Variants in TENM1 observed in about 807,000 individuals in gnomAD.
TENM1 encodes the protein teneurin transmembrane protein 1.
In TENM1, 35 loss-of-function variants were observed where a neutral mutation model predicts 174.8. That is an observed-to-expected ratio of 0.20 (90% CI 0.15 to 0.27). The LOEUF is 0.27. Among genes scored for constraint, TENM1 ranks in the 10% least tolerant of loss-of-function variants. TENM1 has a pLI of 1.00. For synonymous variants in TENM1, 781 were observed against 798.7 expected (o/e 0.98, Z 0.37); for missense variants, 1,633 against 2,130.1 (o/e 0.77, Z 4.59).
intron 1 of TENM1, among the ~76,000 whole-genome samples, chrX:124,937,696 T>C (rs1384455522): frequency 8.9e-6 from 1 of 112,209 alleles, no homozygotes; most frequent in Non-Finnish European, 1.9e-5. Context: ...CTTAGCACCA[T>C]ACAAACGATG....
intron 25 of TENM1, among the ~76,000 whole-genome samples, chrX:124,413,627 T>C (rs939684997): frequency 9.8e-5 from 11 of 112,272 alleles, no homozygotes; most frequent in Non-Finnish European, 2.1e-4. Flanking sequence ...CGACGATAAT[T>C]CTGTTTTACT....
chrX:125,006,062 C>A, the TENM1 span, among the ~76,000 whole-genome samples: 1 of 111,768 alleles, frequency 8.9e-6, no homozygotes, highest in South Asian at 3.8e-4. Flanking sequence ...GGGAGCCAAG[C>A]GGTCTTGCTC....
rs1169774692 is a variant in TENM1 at position 124,471,292 on chromosome X, TATATATTATA to T, written c.3949+10430_3949+10439del. Among the ~76,000 whole-genome samples the T allele has an allele frequency of 1.8e-3, 76 of 41,094 alleles. 6 individuals carry two copies. Among genetic ancestry groups the T allele is most frequent in the African/African-American group, 8.0e-3 (74 of 9,236 alleles). 35.7% of individuals were successfully genotyped at this position (41,094 alleles called of 115,157 possible). ...TAGTACTATATATAATATATAGTAC[TATATATTATA>T]ATATATAGTACTATATATTATAATA... is the stretch of plus-strand genomic sequence containing the variant. On this transcript the variant is annotated intron_variant, in intron 22 of 31. Coordinates refer to ENST00000422452, the Ensembl canonical transcript of TENM1.
At chrX:124,411,040 G>T (rs952768012) in intron 25 of TENM1, among the ~76,000 whole-genome samples, 1 of 112,133 alleles carries the variant, frequency 8.9e-6, no homozygotes, top group East Asian at 2.8e-4. Flanking sequence ...AGGGGTACAA[G>T]GGTCAAAATT....
chrX:124,496,727 T>G (rs1431098650), intron 20 of TENM1, among the ~76,000 whole-genome samples: 1 of 111,677 alleles, frequency 9.0e-6, no homozygotes, highest in Non-Finnish European at 1.9e-5. Flanking sequence ...CTTACTTGAG[T>G]GCTTGGAAGT....
At chrX:125,020,479 T>G in the TENM1 span, among the ~76,000 whole-genome samples, 2 of 110,077 alleles carry the variant, frequency 1.8e-5, no homozygotes, top group Admixed American at 1.9e-4. Flanking sequence ...TTCCCAAAGT[T>G]TTTTTCCTGG....
At chrX:125,114,174 C>T in the TENM1 span, among the ~76,000 whole-genome samples, 6 of 111,279 alleles carry the variant, frequency 5.4e-5, no homozygotes, top group East Asian at 1.1e-3. Context: ...GGATAAATAA[C>T]GAAATTAAGG....
At chrX:124,597,680 A>G (rs1486475136) in intron 11 of TENM1, among the ~76,000 whole-genome samples, 1 of 110,995 alleles carries the variant, frequency 9.0e-6, no homozygotes, top group African/African-American at 3.3e-5. Context: ...CCCCAAACCT[A>G]TTGAAATAAG....
chrX:125,198,065 A>T, the TENM1 span, among the ~76,000 whole-genome samples: 1 of 112,214 alleles, frequency 8.9e-6, no homozygotes, highest in Admixed American at 9.5e-5. Flanking sequence ...CCACAAAAAC[A>T]TTACAACAGA....
intron 4 of TENM1, among the ~76,000 whole-genome samples, chrX:124,715,415 G>T (rs73215139): frequency 0.11 from 11,747 of 107,153 alleles, 604 homozygotes; most frequent in African/African-American, 0.2. Context: ...TCTTCATTTT[G>T]TAAAGAAACT....
At chrX:124,530,494 C>CT (rs2148071702) in intron 15 of TENM1, among the ~76,000 whole-genome samples, 1 of 110,971 alleles carries the variant, frequency 9.0e-6, no homozygotes, top group Non-Finnish European at 1.9e-5. Context: ...TACTGACCGC[C>CT]TTTTTCCTGC....
intron 11 of TENM1, among the ~76,000 whole-genome samples, chrX:124,591,996 C>T (rs936010925): frequency 1.8e-5 from 2 of 111,767 alleles, no homozygotes; most frequent in African/African-American, 6.5e-5. Context: ...ATTCTTTCTT[C>T]GGCTTGGTCT....
chrX:124,582,482 T>C (rs2049346196), intron 11 of TENM1, among the ~76,000 whole-genome samples: 1 of 112,172 alleles, frequency 8.9e-6, no homozygotes, highest in Non-Finnish European at 1.9e-5. Context: ...GTATTTTATT[T>C]TTTTGTGGCT....
chrX:124,846,761 TATC>T (rs1181569485), intron 3 of TENM1, among the ~76,000 whole-genome samples: 1 of 111,639 alleles, frequency 9.0e-6, no homozygotes, highest in Non-Finnish European at 1.9e-5. Flanking sequence ...TATCCAGAAT[TATC>T]TTCTTCCCCA....
At chrX:125,023,317 G>C in the TENM1 span, among the ~76,000 whole-genome samples, 1 of 111,397 alleles carries the variant, frequency 9.0e-6, no homozygotes, top group Non-Finnish European at 1.9e-5. Flanking sequence ...ACGTGCCTTT[G>C]CTTCTCCTCC....
intron 20 of TENM1, among the ~76,000 whole-genome samples, chrX:124,494,635 T>C (rs1301987029): frequency 9.2e-6 from 1 of 108,702 alleles, no homozygotes; most frequent in Non-Finnish European, 1.9e-5. Flanking sequence ...TAGCATTAGG[T>C]ATATCTCCCA....
chrX:125,134,806 T>C, the TENM1 span, among the ~76,000 whole-genome samples: 1 of 112,093 alleles, frequency 8.9e-6, no homozygotes, highest in South Asian at 3.7e-4. Context: ...AAAGTTCTCA[T>C]AATAGAAACA....
chrX:124,694,785 C>G (rs774249362), intron 5 of TENM1, among the ~76,000 whole-genome samples: 1 of 111,815 alleles, frequency 8.9e-6, no homozygotes, highest in East Asian at 2.8e-4. Flanking sequence ...TGATTTGTAA[C>G]TGTGGATAAA....
At chrX:125,119,810 G>GA in the TENM1 span, among the ~76,000 whole-genome samples, 2 of 110,045 alleles carry the variant, frequency 1.8e-5, no homozygotes, top group African/African-American at 6.6e-5. Context: ...AAATATCCTA[G>GA]AAAAAAAATG....
Sources: gnomAD v4.1 joint callset for allele counts (sites outside exome capture counted in the v4.1 genomes callset) on GRCh38, gnomAD v4.1.1 for gene constraint, MANE v1.5 for transcripts, NCBI Gene and HGNC (gene_info 2026-07-23, HGNC 2026-07-21) for gene names.